Variants in HTT observed in about 807,000 individuals in gnomAD.
HTT encodes huntington disease protein.
Under a neutral mutation model 362.3 loss-of-function variants are expected in HTT, and 104 were observed. The observed-to-expected ratio is 0.29, with a 90% confidence interval of 0.24 to 0.34. The LOEUF is 0.34. HTT is among the 10% of genes least tolerant of loss of function. The pLI, the probability that HTT is intolerant of heterozygous loss-of-function variation, is 1.00. For missense variants in HTT, 3,301 were observed against 3,928.6 expected (o/e 0.84, Z 4.27); for synonymous variants, 1,577 against 1,548.7 (o/e 1.02, Z -0.43).
At chr4:3,184,951 C>T (rs1361749998) in intron 37 of HTT, among the ~76,000 whole-genome samples, 1 of 152,010 alleles carries the variant, frequency 6.6e-6, no homozygotes, top group East Asian at 1.9e-4. Context: ...TTTTTTAAGG[C>T]ATTTTGTGCA....
intron 18 of HTT, among the ~76,000 whole-genome samples, chr4:3,133,790 T>A (rs1336216025): frequency 1.3e-5 from 2 of 152,228 alleles, no homozygotes; most frequent in Non-Finnish European, 2.9e-5. Context: ...TTTTAAAATG[T>A]CATGCCTGAC....
intron 33 of HTT, among the ~76,000 whole-genome samples, chr4:3,176,584 G>C (rs1718255326): frequency 6.6e-6 from 1 of 152,198 alleles, no homozygotes; most frequent in Non-Finnish European, 1.5e-5. Flanking sequence ...TACCCCAAGG[G>C]AAGCCAGAGC....
intron 8 of HTT, among the ~76,000 whole-genome samples, chr4:3,119,615 G>C (rs555197053): frequency 1.3e-5 from 2 of 152,266 alleles, no homozygotes; most frequent in South Asian, 4.1e-4. Flanking sequence ...TTTTAGTTAA[G>C]TTTTTTGGCT....
chr4:3,215,069 A>G, intron 50 of HTT, 41 bp from the exon 51 acceptor site: 1 of 1,458,206 alleles, frequency 6.9e-7, no homozygotes, highest in South Asian at 1.2e-5. Context: ...CACTGATGGA[A>G]GTGTGTAGAA....
At chr4:3,080,876 C>T (rs1712861964) in intron 1 of HTT, among the ~76,000 whole-genome samples, 1 of 152,318 alleles carries the variant, frequency 6.6e-6, no homozygotes, top group East Asian at 1.9e-4. Context: ...TATCTTAGTA[C>T]CCTTGTTGAA....
intron 8 of HTT, among the ~76,000 whole-genome samples, chr4:3,120,568 C>T (rs777113850): frequency 1.3e-5 from 2 of 152,326 alleles, no homozygotes; most frequent in African/African-American, 4.8e-5. Context: ...ACCTGAGCAC[C>T]GCCTCCTGTC....
At chr4:3,076,766 A>G (rs1255092614) in intron 1 of HTT, among the ~76,000 whole-genome samples, 1 of 152,230 alleles carries the variant, frequency 6.6e-6, no homozygotes, top group Non-Finnish European at 1.5e-5. Context: ...CTGATTTGAC[A>G]GAACCTGCAT....
intron 60 of HTT, among the ~76,000 whole-genome samples, chr4:3,232,033 A>T (rs1204248372): frequency 6.6e-6 from 1 of 152,034 alleles, no homozygotes; most frequent in East Asian, 1.9e-4. Context: ...TGTCGTTTTG[A>T]GGTATTTGCC....
At chr4:3,077,171 C>CTT (rs1233411388) in intron 1 of HTT, among the ~76,000 whole-genome samples, 1 of 151,976 alleles carries the variant, frequency 6.6e-6, no homozygotes, top group Non-Finnish European at 1.5e-5. Flanking sequence ...GAGCGAGACT[C>CTT]TATCTCAAAA....
chr4:3,191,158 T>G (rs549010316), intron 40 of HTT, among the ~76,000 whole-genome samples: 2 of 86,126 alleles, frequency 2.3e-5, no homozygotes, highest in South Asian at 6.5e-4. Flanking sequence ...GCTTGAGCTT[T>G]CTTTCTTTCT....
chr4:3,099,548 G>C (rs1272689227), intron 3 of HTT, among the ~76,000 whole-genome samples, 154 bp downstream of exon 3: 1 of 151,176 alleles, frequency 6.6e-6, no homozygotes, highest in African/African-American at 2.5e-5. Context: ...CTGTTGTATG[G>C]TTTGGAGGTG....
intron 41 of HTT, among the ~76,000 whole-genome samples, chr4:3,201,476 G>A (rs1719526202): frequency 6.8e-6 from 1 of 146,974 alleles, no homozygotes; most frequent in South Asian, 2.1e-4. Context: ...GTTGCAGTGA[G>A]CTGAGATCGC....
Position 3,165,900 on chromosome 4 carries a change from G to A in HTT, c.3864+5508G>A, listed in dbSNP as rs542760892. Among the ~76,000 whole-genome samples the A allele has an allele frequency of 1.9e-4, 29 of 152,162 alleles. 1 individual carries two copies. The highest frequency in any genetic ancestry group is 6.7e-4 in the African/African-American group (28 of 41,492). The stretch of plus-strand genomic sequence containing the variant: ...AGTTTGTTATTACCGACCTTCTGAA[G>A]CCTACTTCTGTCAATTCATCAAACT... On this transcript the variant is annotated intron_variant, in intron 29 of 66. Coordinates refer to ENST00000355072, the MANE Select transcript of HTT (RefSeq NM_001388492.1).
At chr4:3,198,215 ATTTTTTTTTTTTTT>A (rs200014691) in intron 40 of HTT, among the ~76,000 whole-genome samples, 8 of 60,380 alleles carry the variant, frequency 1.3e-4, no homozygotes, top group African/African-American at 2.0e-4. Context: ...GGATGTGTTG[ATTTTTTTTTTTTTT>A]TTTTTTTTTT....
chr4:3,164,648 T>C (rs901292672), intron 29 of HTT, among the ~76,000 whole-genome samples: 1 of 152,224 alleles, frequency 6.6e-6, no homozygotes, highest in Non-Finnish European at 1.5e-5. Flanking sequence ...CTCTTCTTGT[T>C]GAATTGATCC....
In HTT at chr4:3,187,671, A is replaced by G. The variant is rs760512155; in HGVS notation, c.5010A>G (p.Gln1670=). 1 of 1,613,920 alleles carries G rather than the reference A, an allele frequency of 6.2e-7. No homozygotes were observed. Among genetic ancestry groups the G allele is most frequent in the Admixed American group, 1.7e-5 (1 of 60,024 alleles). Residue 1670 remains glutamine (Q), a synonymous_variant, in exon 39 of 67, where the codon CAA becomes CAG. Transcript: ENST00000355072. ...TTTAGGCGTCCGTGAGCACTGTTCA[A>G]CTGTGGATATCGGGAATTCTGGCCA... The part of the protein sequence containing the change: ...PNTMASVSTV[Q]LWISGILAIL...
intron 59 of HTT, among the ~76,000 whole-genome samples, chr4:3,229,252 C>G (rs1721091183): frequency 6.9e-6 from 1 of 145,820 alleles, no homozygotes; most frequent in Non-Finnish European, 1.5e-5. Flanking sequence ...ACACGCCACA[C>G]CACATGCACC....
At chr4:3,166,686 G>A (rs1462146625) in intron 29 of HTT, among the ~76,000 whole-genome samples, 1 of 152,262 alleles carries the variant, frequency 6.6e-6, no homozygotes, top group Admixed American at 6.5e-5. Flanking sequence ...ATCCCAGGTC[G>A]ATTTCAGAGT....
chr4:3,146,931 C>T lies in HTT; in HGVS notation c.3278C>T (p.Ala1093Val), dbSNP rs977161353. 1 of 1,614,118 alleles carries T rather than the reference C, an allele frequency of 6.2e-7. No homozygotes were observed. Among genetic ancestry groups the T allele is most frequent in the Non-Finnish European group, 8.5e-7 (1 of 1,179,988 alleles). Residue 1093 changes from alanine to valine, a missense_variant, in exon 25 of 67, where the codon GCC becomes GTC. Physicochemically the swap from Ala to Val is moderately conservative, Grantham distance 64. This residue lies in a region of HTT where 2,316 missense variants were observed against 2,658.5 expected (regional missense o/e 0.87). Coordinates refer to ENST00000355072, the MANE Select transcript of HTT (RefSeq NM_001388492.1). ...LSAHQDALIL[A>V]GNLLAASAPK... ...GCCCATCAAGATGCTTTGATTTTGG[C>T]CGGAAACTTGCTTGCAGGTACTGGT...
Sources: allele counts gnomAD v4.1 joint callset (sites outside exome capture counted in the v4.1 genomes callset), GRCh38; gene constraint gnomAD v4.1.1; regional missense constraint gnomAD v4.1.1; transcripts MANE v1.5; gene names NCBI Gene and HGNC (gene_info 2026-07-23, HGNC 2026-07-21).